Variants in TAOK1 observed in about 807,000 individuals in gnomAD.
TAOK1 encodes the protein TAO kinase 1, also known as serine/threonine-protein kinase TAO1.
In TAOK1, 21 loss-of-function variants were observed where a neutral mutation model predicts 138.3. The ratio of observed to expected loss-of-function variants is 0.15; its 90% CI spans 0.11 to 0.22. The LOEUF (loss-of-function observed/expected upper bound fraction) is 0.22, where lower values mean the gene tolerates loss of function less well. TAOK1 is among the 10% of genes least tolerant of loss of function. The probability of loss-of-function intolerance (pLI) is 1.00; values close to 1 mark genes in which losing one functional copy is unlikely to be tolerated. For missense variants in TAOK1, 651 were observed against 1,227.7 expected (o/e 0.53, Z 7.02); for synonymous variants, 361 against 398.4 (o/e 0.91, Z 1.12).
intron 17 of TAOK1, among the ~76,000 whole-genome samples, chr17:29,525,152 G>T (rs1311762461): frequency 6.6e-6 from 1 of 151,644 alleles, no homozygotes; most frequent in African/African-American, 2.4e-5. Flanking sequence ...CGCTCTTATT[G>T]CCCAGGCTGG....
chr17:29,493,426 A>G (rs990278168), intron 10 of TAOK1, among the ~76,000 whole-genome samples: 4 of 151,680 alleles, frequency 2.6e-5, no homozygotes, highest in Admixed American at 6.6e-5. Flanking sequence ...CCCAGGAGGC[A>G]GAGGTTGTGG....
At chr17:29,435,449 A>G (rs1407319232) in intron 1 of TAOK1, among the ~76,000 whole-genome samples, 3 of 152,204 alleles carry the variant, frequency 2.0e-5, no homozygotes, top group African/African-American at 7.2e-5. Context: ...TTATGTCTAC[A>G]TAGGCCTTTT....
At chr17:29,488,346 A>G (rs569350309) in intron 8 of TAOK1, among the ~76,000 whole-genome samples, 55 of 152,168 alleles carry the variant, frequency 3.6e-4, no homozygotes, top group African/African-American at 7.5e-4. Context: ...CGAGACGGGT[A>G]GATCACCTGA....
intron 3 of TAOK1, among the ~76,000 whole-genome samples, chr17:29,471,109 G>C: frequency 6.6e-6 from 1 of 151,498 alleles, no homozygotes. Flanking sequence ...AGTGAGTCAA[G>C]ATTGTGCCAC....
intron 1 of TAOK1, among the ~76,000 whole-genome samples, chr17:29,419,768 A>C (rs1359470374): frequency 6.6e-6 from 1 of 152,194 alleles, no homozygotes; most frequent in Non-Finnish European, 1.5e-5. Flanking sequence ...TGCTGGAAGT[A>C]TAGGCATGTG....
intron 1 of TAOK1, among the ~76,000 whole-genome samples, chr17:29,440,535 T>G (rs1050023521): frequency 2.0e-5 from 3 of 152,084 alleles, no homozygotes. Flanking sequence ...TAGATACTTA[T>G]CATATACTGT....
intron 2 of TAOK1, among the ~76,000 whole-genome samples, chr17:29,457,402 C>CTT (rs769026325): frequency 0.14 from 10,709 of 76,608 alleles, 1,264 homozygotes; most frequent in East Asian, 0.56. Context: ...CACCCCAGGC[C>CTT]TTTTTTTTTT....
In TAOK1 at chr17:29,534,118, C is replaced by G; in HGVS notation, c.2362C>G (p.Leu788Val). Residue 788 changes from leucine (L) to valine (V), a missense_variant and splice_region_variant, in exon 19 of 20, where the codon CTG becomes GTG. By Grantham distance (32) the Leu-to-Val change is conservative. This residue lies in a region of TAOK1 where 258 missense variants were observed against 548.9 expected (regional missense o/e 0.47). Coordinates refer to ENST00000261716, the MANE Select transcript of TAOK1 (RefSeq NM_020791.4). ...SINEMLSTQA[L>V]RLDEAQEAEC... Reference sequence around the variant, plus strand: ...TTTTCTCTCTCTCTCTCTGTCTCAGCTGCGTTTGGATGAAGCACAGGAAGC... The same window carrying G: ...TTTTCTCTCTCTCTCTCTGTCTCAGGTGCGTTTGGATGAAGCACAGGAAGC... 6.3e-7 allele frequency: 1 copy of G among 1,596,636 alleles called. No homozygotes were observed.
In TAOK1 at chr17:29,461,511, C is replaced by G. The variant is rs74849771; in HGVS notation, c.133-5634C>G. Among the ~76,000 whole-genome samples the G allele has an allele frequency of 5.0e-3, 759 of 152,308 alleles. 12 individuals are homozygous for G. Among genetic ancestry groups the G allele is most frequent in the African/African-American group, 0.018 (733 of 41,578 alleles). On this transcript the variant is annotated intron_variant, in intron 2 of 19. Transcript: ENST00000261716. ...ACAAACCTCAGCCCTGACACCAAAT[C>G]CAACCTGTGATGTGTTTTTGTTCAG... is the stretch of plus-strand genomic sequence containing the variant.
intron 1 of TAOK1, among the ~76,000 whole-genome samples, chr17:29,434,597 G>A (rs1371676020): frequency 1.3e-5 from 2 of 152,136 alleles, no homozygotes; most frequent in Non-Finnish European, 2.9e-5. Flanking sequence ...AAACAGGGGT[G>A]TCGAGACAAT....
At chr17:29,515,506 A>G (rs1193157348) in intron 15 of TAOK1, among the ~76,000 whole-genome samples, 1 of 152,156 alleles carries the variant, frequency 6.6e-6, no homozygotes, top group Non-Finnish European at 1.5e-5. Flanking sequence ...TGGTGTACAT[A>G]TCTCTCTTTC....
chr17:29,437,689 A>G (rs1157024176), intron 1 of TAOK1, among the ~76,000 whole-genome samples: 3 of 152,020 alleles, frequency 2.0e-5, no homozygotes, highest in East Asian at 1.9e-4. Flanking sequence ...CAATTCTGAT[A>G]AAGTGAAGGA....
intron 8 of TAOK1, among the ~76,000 whole-genome samples, chr17:29,487,175 G>A (rs1341359247): frequency 6.8e-6 from 1 of 148,116 alleles, no homozygotes; most frequent in African/African-American, 2.5e-5. Context: ...GAACCTGGGA[G>A]GCACAGGTTG....
chr17:29,469,704 G>A (rs1235365579), intron 3 of TAOK1, among the ~76,000 whole-genome samples: 1 of 152,000 alleles, frequency 6.6e-6, no homozygotes, highest in African/African-American at 2.4e-5. Context: ...ATCTATATCT[G>A]TCTGTTTCAG....
At chr17:29,488,635 A>G (rs2031230851) in intron 8 of TAOK1, among the ~76,000 whole-genome samples, 1 of 150,322 alleles carries the variant, frequency 6.7e-6, no homozygotes, top group South Asian at 2.1e-4. Context: ...TGTTAAAACA[A>G]TTTTTTTTCG....
At chr17:29,539,164 A>C (rs747222194) in intron 19 of TAOK1, among the ~76,000 whole-genome samples, 12 of 152,100 alleles carry the variant, frequency 7.9e-5, no homozygotes, top group Non-Finnish European at 1.6e-4. Flanking sequence ...CTGGAGGCTG[A>C]GGTGTGGAGG....
chr17:29,395,464 G>T (rs1371751576), intron 1 of TAOK1, among the ~76,000 whole-genome samples: 4 of 152,214 alleles, frequency 2.6e-5, no homozygotes, highest in Admixed American at 2.0e-4. Flanking sequence ...CCAGGAGGTG[G>T]AGGTTACAGT....
intron 3 of TAOK1, among the ~76,000 whole-genome samples, chr17:29,468,254 A>G (rs1461216655): frequency 6.7e-6 from 1 of 149,126 alleles, no homozygotes; most frequent in African/African-American, 2.5e-5. Context: ...CTCCTGCTTC[A>G]GCCTCCTGAG....
At chr17:29,442,216 T>G (rs1041802978) in intron 1 of TAOK1, among the ~76,000 whole-genome samples, 2 of 151,960 alleles carry the variant, frequency 1.3e-5, no homozygotes, top group Non-Finnish European at 2.9e-5. Flanking sequence ...CAGCTAATTT[T>G]CACATTTTTT....
Sources: allele counts gnomAD v4.1 joint callset (sites outside exome capture counted in the v4.1 genomes callset), GRCh38; gene constraint gnomAD v4.1.1; regional missense constraint gnomAD v4.1.1; transcripts MANE v1.5; gene names NCBI Gene and HGNC (gene_info 2026-07-23, HGNC 2026-07-21).